The following CADPS2 variants were observed in gnomAD, a reference collection of about 807,000 sequenced individuals.
The protein encoded by CADPS2 is calcium-dependent secretion activator 2.
A neutral mutation model predicts 172.5 loss-of-function variants in CADPS2; 93 were observed. The observed-to-expected ratio is 0.54, with a 90% CI of 0.46 to 0.64. CADPS2 has a LOEUF of 0.64. Ranked by LOEUF, CADPS2 falls within the 30% of genes least tolerant of loss-of-function variation. The pLI is 0.00. For synonymous variants in CADPS2, 546 were observed against 555.2 expected (o/e 0.98, Z 0.23); for missense variants, 1,420 against 1,565.9 (o/e 0.91, Z 1.57).
chr7:122,811,145 T>C (rs1249019663), intron 1 of CADPS2, among the ~76,000 whole-genome samples: 1 of 152,234 alleles, frequency 6.6e-6, no homozygotes, highest in African/African-American at 2.4e-5. Context: ...CACCATTTTC[T>C]GAACATATGC....
intron 22 of CADPS2, 52 bp downstream of exon 22, chr7:122,393,144 C>A: frequency 1.3e-6 from 2 of 1,599,476 alleles, no homozygotes; most frequent in South Asian, 2.2e-5. Flanking sequence ...GAACACAGCC[C>A]AGGCCATGCA....
chr7:122,736,449 C>T (rs1459313723), intron 2 of CADPS2, among the ~76,000 whole-genome samples: 1 of 152,086 alleles, frequency 6.6e-6, no homozygotes, highest in Non-Finnish European at 1.5e-5. Context: ...ATAGGAAATC[C>T]ATAGAGAAAC....
At chr7:122,609,936 T>A (rs980338050) in intron 6 of CADPS2, among the ~76,000 whole-genome samples, 2 of 152,176 alleles carry the variant, frequency 1.3e-5, no homozygotes, top group Admixed American at 1.3e-4. Flanking sequence ...GAGTTCAGGA[T>A]GAAAGTAACG....
chr7:122,398,875 A>G (rs569259483), intron 20 of CADPS2, among the ~76,000 whole-genome samples: 212 of 150,892 alleles, frequency 1.4e-3, no homozygotes, highest in African/African-American at 5.1e-3. Flanking sequence ...CTGATTATTG[A>G]ATAAATATCA....
intron 3 of CADPS2, among the ~76,000 whole-genome samples, chr7:122,652,832 C>T (rs1479106605): frequency 6.6e-6 from 1 of 152,058 alleles, no homozygotes; most frequent in Non-Finnish European, 1.5e-5. Flanking sequence ...TTCTTGATAA[C>T]AATAACAATT....
chr7:122,719,429 C>T (rs1183567119), intron 2 of CADPS2, among the ~76,000 whole-genome samples: 2 of 152,130 alleles, frequency 1.3e-5, no homozygotes, highest in African/African-American at 4.8e-5. Context: ...GCCAAGTTCA[C>T]ACCAGAGCTG....
At chr7:122,374,750 C>T (rs1229766482) in intron 25 of CADPS2, among the ~76,000 whole-genome samples, 1 of 152,058 alleles carries the variant, frequency 6.6e-6, no homozygotes, top group African/African-American at 2.4e-5. Context: ...GGAGGGCTAA[C>T]ATTAGGAGAG....
chr7:122,367,240 C>T (rs2041034484), intron 25 of CADPS2, among the ~76,000 whole-genome samples: 1 of 151,954 alleles, frequency 6.6e-6, no homozygotes, highest in South Asian at 2.1e-4. Flanking sequence ...TTCTATCTAT[C>T]CTATTCTTAA....
intron 24 of CADPS2, among the ~76,000 whole-genome samples, chr7:122,383,414 A>G (rs1181537966): frequency 6.6e-6 from 1 of 152,060 alleles, no homozygotes; most frequent in Non-Finnish European, 1.5e-5. Flanking sequence ...ACAAAACTAC[A>G]CATGTACCCC....
At chr7:122,490,047 A>T in intron 11 of CADPS2, 34 bp downstream of exon 11, 1 of 1,581,050 alleles carries the variant, frequency 6.3e-7, no homozygotes, top group South Asian at 1.1e-5. Context: ...AAGGCTATTA[A>T]TTGATAATCA....
At position 122,886,454 on chromosome 7, in the gene CADPS2, G is replaced by A. The variant is rs1484718712; in HGVS notation, c.-117C>T. The A allele has an allele frequency of 1.5e-6, 2 of 1,351,318 alleles. No homozygotes were observed. The highest frequency in any genetic ancestry group is 1.6e-5 in the African/African-American group (1 of 64,300). The allele number at this position is 1,351,318 out of a possible 1,614,324, so 83.7% of individuals were successfully genotyped here. On this transcript the variant is annotated 5_prime_UTR_variant, in exon 1 of 30. Coordinates refer to ENST00000449022, the MANE Select transcript of CADPS2 (RefSeq NM_017954.11). Reference sequence around the variant, plus strand: ...GGCTGCAGCGGCCGCAGAACGAAAGGAAAACTGGCCAGGGCTTTCCGGACA... The same window carrying A: ...GGCTGCAGCGGCCGCAGAACGAAAGAAAAACTGGCCAGGGCTTTCCGGACA...
At chr7:122,885,394 C>A (rs1824060372) in intron 1 of CADPS2, among the ~76,000 whole-genome samples, 1 of 151,310 alleles carries the variant, frequency 6.6e-6, no homozygotes, top group Non-Finnish European at 1.5e-5. Flanking sequence ...AATTACTTAC[C>A]CACAAACACT....
At chr7:122,639,590 A>C (rs1295528135) in intron 3 of CADPS2, among the ~76,000 whole-genome samples, 1 of 152,072 alleles carries the variant, frequency 6.6e-6, no homozygotes, top group Admixed American at 6.6e-5. Flanking sequence ...AACCACCATA[A>C]AGACACTCCA....
intron 13 of CADPS2, among the ~76,000 whole-genome samples, chr7:122,473,751 T>C (rs920625166): frequency 4.6e-4 from 70 of 152,186 alleles, no homozygotes; most frequent in African/African-American, 1.6e-3. Context: ...AGCATTCCTT[T>C]TAAATAAATT....
At chr7:122,426,179 G>A (rs1301690232) in intron 17 of CADPS2, 1 of 152,228 alleles carries the variant, frequency 6.6e-6, no homozygotes, top group Non-Finnish European at 1.5e-5. Flanking sequence ...CTTGGGTGAT[G>A]AGAAATGAGT....
At chr7:122,865,163 G>A (rs958271420) in intron 1 of CADPS2, among the ~76,000 whole-genome samples, 12 of 151,982 alleles carry the variant, frequency 7.9e-5, no homozygotes, top group South Asian at 2.1e-4. Context: ...ACACTCTCTC[G>A]TTTCTTCTCT....
chr7:122,705,986 T>A (rs867950139), intron 2 of CADPS2, among the ~76,000 whole-genome samples: 2 of 68,772 alleles, frequency 2.9e-5, no homozygotes, highest in African/African-American at 1.4e-4. Flanking sequence ...TATATAATAT[T>A]ATATATTATA....
At chr7:122,741,715 C>T (rs1000841069) in intron 1 of CADPS2, among the ~76,000 whole-genome samples, 3 of 152,152 alleles carry the variant, frequency 2.0e-5, no homozygotes, top group African/African-American at 7.2e-5. Flanking sequence ...AATACACACA[C>T]ATATACATAC....
intron 1 of CADPS2, among the ~76,000 whole-genome samples, chr7:122,782,166 T>C (rs1792905030): frequency 6.6e-6 from 1 of 152,192 alleles, no homozygotes; most frequent in South Asian, 2.1e-4. Flanking sequence ...ACCTTATATC[T>C]AGCAACCTTA....
Sources: allele counts gnomAD v4.1 joint callset (sites outside exome capture counted in the v4.1 genomes callset), GRCh38; gene constraint gnomAD v4.1.1; transcripts MANE v1.5; gene names NCBI Gene and HGNC (gene_info 2026-07-23, HGNC 2026-07-21).